The following SRL variants were observed in gnomAD, a reference collection of about 807,000 sequenced individuals.
The protein encoded by SRL is sarcalumenin.
SRL carries 23 observed loss-of-function variants against 39.5 expected under a neutral mutation model. That is an observed-to-expected ratio of 0.58 (90% CI 0.42 to 0.82). SRL has a LOEUF of 0.82. Among genes scored for constraint, SRL ranks in the 40% least tolerant of loss-of-function variants. SRL has a pLI of 0.00. For synonymous variants in SRL, 272 were observed against 237.4 expected, an observed-to-expected ratio of 1.15 and a Z score of -1.34; for missense variants, 592 against 607.8, an observed-to-expected ratio of 0.97 and a Z score of 0.27.
intron 1 of SRL, among the ~76,000 whole-genome samples, chr16:4,214,063 C>A (rs946110976): frequency 3.3e-5 from 5 of 152,274 alleles, no homozygotes; most frequent in Non-Finnish European, 4.4e-5. Flanking sequence ...CAAGGGGATT[C>A]TACAGAACAC....
At chr16:4,218,958 T>C (rs894141588) in intron 1 of SRL, among the ~76,000 whole-genome samples, 3 of 152,260 alleles carry the variant, frequency 2.0e-5, no homozygotes, top group South Asian at 4.1e-4. Flanking sequence ...TTTTTCAACC[T>C]TCTTTCCCAG....
In SRL at chr16:4,190,077, C is replaced by T. The variant is rs1478619063; in HGVS notation, c.*2076G>A. On this transcript the variant is annotated 3_prime_UTR_variant, in exon 6 of 6. Coordinates refer to ENST00000399609, the MANE Select transcript of SRL (RefSeq NM_001098814.2). ...GCAGAACTCACTGTTCTTTCCTGGT[C>T]GACTCGTTCCTTGGAAACATTGTCC... 12 of 394,476 alleles carry T rather than the reference C, an allele frequency of 3.0e-5. No individual in the cohort carries two copies. The highest frequency in any genetic ancestry group is 4.5e-5 in the Non-Finnish European group (10 of 224,120). 24.4% of individuals were successfully genotyped at this position (394,476 alleles called of 1,614,324 possible). A position where few individuals can be genotyped will look rare whatever the true frequency, so the allele number is the denominator to read the frequency against.
chr16:4,228,212 G>A (rs1474347410), intron 1 of SRL, among the ~76,000 whole-genome samples: 1 of 119,990 alleles, frequency 8.3e-6, no homozygotes, highest in African/African-American at 2.6e-5. Context: ...ACTGAGGCAG[G>A]TGGATCACGA....
At chr16:4,193,591 CT>C (rs2052096566) in intron 5 of SRL, among the ~76,000 whole-genome samples, 1 of 152,172 alleles carries the variant, frequency 6.6e-6, no homozygotes, top group Non-Finnish European at 1.5e-5. Flanking sequence ...TAAGCTCTAC[CT>C]TTTTAGCTCC....
At chr16:4,227,787 C>G (rs2052609451) in intron 1 of SRL, among the ~76,000 whole-genome samples, 1 of 152,194 alleles carries the variant, frequency 6.6e-6, no homozygotes, top group African/African-American at 2.4e-5. Context: ...CCCAGAGGAG[C>G]TGCTTTCCAC....
At chr16:4,203,790 G>A (rs759757385) in intron 2 of SRL, among the ~76,000 whole-genome samples, 1 of 152,174 alleles carries the variant, frequency 6.6e-6, no homozygotes, top group African/African-American at 2.4e-5. Flanking sequence ...TTCTTTGGTG[G>A]ATGAGAATTC....
intron 1 of SRL, among the ~76,000 whole-genome samples, chr16:4,230,444 G>C (rs952779711): frequency 1.3e-5 from 2 of 149,838 alleles, no homozygotes; most frequent in African/African-American, 2.5e-5. Flanking sequence ...ATGGTGGTGC[G>C]ATCTCGGCTC....
At chr16:4,211,511 G>GTGA (rs61123886) in intron 1 of SRL, among the ~76,000 whole-genome samples, 19,411 of 87,380 alleles carry the variant, frequency 0.22, 4,221 homozygotes, top group Admixed American at 0.26. Flanking sequence ...GATGAGGATC[G>GTGA]TGATGATGAT....
chr16:4,195,854 T>C (rs890793349), intron 4 of SRL, 68 bp from the exon 5 acceptor site: 4 of 1,325,502 alleles, frequency 3.0e-6, no homozygotes, highest in Non-Finnish European at 4.2e-6. Flanking sequence ...GAGAAGCATG[T>C]GTATATGCCT....
Position 4,242,053 on chromosome 16 carries a change from G to C in SRL, c.15C>G (p.Val5=), listed in dbSNP as rs1010407630. 5 of 1,612,334 alleles carry C rather than the reference G, an allele frequency of 3.1e-6. No individual in the cohort carries two copies. The highest frequency in any genetic ancestry group is 1.3e-5 in the African/African-American group (1 of 74,926). The part of the protein sequence containing the change: MRAL[V]LLGCLLASLL... ...GCGAGGCCAGGAGGCAGCCGAGCAG[G>C]ACCAGCGCCCTCATGGTGACTGCCA... The change falls in exon 1 of 6, where the codon GTC becomes GTG. Residue 5 remains valine, a synonymous_variant. Transcript: ENST00000399609.
intron 3 of SRL, among the ~76,000 whole-genome samples, chr16:4,198,674 C>A (rs1204000033): frequency 1.3e-5 from 2 of 152,086 alleles, no homozygotes; most frequent in Admixed American, 1.3e-4. Context: ...TCTCAAACTT[C>A]TGGGCTCAAG....
At chr16:4,215,379 C>T (rs886417187) in intron 1 of SRL, among the ~76,000 whole-genome samples, 4 of 152,198 alleles carry the variant, frequency 2.6e-5, no homozygotes, top group Non-Finnish European at 5.9e-5. Context: ...TCCAGGGAAT[C>T]AGATACAATG....
chr16:4,197,558 A>T (rs1163967629), intron 4 of SRL, among the ~76,000 whole-genome samples: 1 of 150,274 alleles, frequency 6.7e-6, no homozygotes, highest in Admixed American at 6.7e-5. Context: ...AGTAGCTGGG[A>T]TTACAGGAAC....
At chr16:4,206,023 C>T (rs1348930343) in intron 1 of SRL, among the ~76,000 whole-genome samples, 1 of 152,150 alleles carries the variant, frequency 6.6e-6, no homozygotes, top group Non-Finnish European at 1.5e-5. Context: ...GACTTGACCT[C>T]GACCTCTACC....
chr16:4,213,414 T>TC (rs2052418580), intron 1 of SRL, among the ~76,000 whole-genome samples: 1 of 127,782 alleles, frequency 7.8e-6, no homozygotes, highest in Non-Finnish European at 1.7e-5. Flanking sequence ...CTTTTTTTTT[T>TC]TTTTTTTTTT....
chr16:4,238,645 G>T (rs1461084618), intron 1 of SRL, among the ~76,000 whole-genome samples: 9 of 148,800 alleles, frequency 6.0e-5, no homozygotes, highest in South Asian at 2.1e-4. Flanking sequence ...TTTTCCTTGA[G>T]ACAAGGTCTC....
In SRL at chr16:4,195,635, A is replaced by C. The variant is rs906186301; in HGVS notation, c.528T>G (p.Ile176Met). ...TCTCCAGAAGTTTGTGGGGAACCTCAATGCCAATCAGCTTCTCTAGGAAAT... is the reference window on the plus strand; with the variant it reads ...TCTCCAGAAGTTTGTGGGGAACCTCCATGCCAATCAGCTTCTCTAGGAAAT... Reference protein sequence around the residue: ...GQNFLEKLIGIEVPHKLLERV... With the variant: ...GQNFLEKLIGMEVPHKLLERV... The change falls in exon 5 of 6, where the codon ATT becomes ATG. Residue 176 changes from isoleucine to methionine, a missense_variant. Coordinates refer to ENST00000399609, the MANE Select transcript of SRL (RefSeq NM_001098814.2). 1 of 1,614,244 alleles carries C rather than the reference A, an allele frequency of 6.2e-7. No homozygotes were observed. The highest frequency in any genetic ancestry group is 1.7e-5 in the Admixed American group (1 of 60,026).
intron 1 of SRL, chr16:4,207,460 G>T (rs1266163768): frequency 2.2e-6 from 1 of 456,824 alleles, no homozygotes; most frequent in Non-Finnish European, 4.4e-6. Context: ...GGCACTGCAG[G>T]CTCCTCGCCA....
At chr16:4,197,595 T>C (rs1316620709) in intron 4 of SRL, among the ~76,000 whole-genome samples, 1 of 151,652 alleles carries the variant, frequency 6.6e-6, no homozygotes, top group Admixed American at 6.6e-5. Flanking sequence ...CTAATTTTTG[T>C]ATTTTTTTTT....
Sources: allele counts gnomAD v4.1 joint callset (sites outside exome capture counted in the v4.1 genomes callset), GRCh38; gene constraint gnomAD v4.1.1; transcripts MANE v1.5; gene names NCBI Gene and HGNC (gene_info 2026-07-23, HGNC 2026-07-21).